RELT: variants seen among roughly 807,000 people sequenced by gnomAD.
RELT encodes the protein RELT TNF receptor.
Under a neutral mutation model 51.1 loss-of-function variants are expected in RELT, and 37 were observed. The ratio of observed to expected loss-of-function variants is 0.72; its 90% CI spans 0.56 to 0.95. The LOEUF is 0.95. Among genes scored for constraint, RELT ranks in the 40% least tolerant of loss-of-function variants. The probability of loss-of-function intolerance (pLI) is 0.00; values close to 1 mark genes in which losing one functional copy is unlikely to be tolerated. For missense variants in RELT, 535 were observed against 572.6 expected, an observed-to-expected ratio of 0.93 and a Z score of 0.67; for synonymous variants, 241 against 235.7, an observed-to-expected ratio of 1.02 and a Z score of -0.21.
intron 4 of RELT, 22 bp downstream of exon 4, chr11:73,390,943 G>A: frequency 1.2e-6 from 2 of 1,606,616 alleles, no homozygotes; most frequent in Non-Finnish European, 1.7e-6. Flanking sequence ...GGAGTGCGGG[G>A]AGGGCTCCTG....
chr11:73,391,640 TAAA>T (rs1866216517), intron 5 of RELT, among the ~76,000 whole-genome samples: 1 of 151,812 alleles, frequency 6.6e-6, no homozygotes, highest in Non-Finnish European at 1.5e-5. Flanking sequence ...AAAATAAAAA[TAAA>T]AAATTAGCCG....
intron 6 of RELT, chr11:73,393,531 C>T: frequency 7.7e-7 from 1 of 1,307,118 alleles, no homozygotes; most frequent in Non-Finnish European, 9.9e-7. Context: ...ACAGTGCAGA[C>T]CCAGAAGACG....
chr11:73,394,115 G>A lies in RELT; in HGVS notation c.707-121G>A. On this transcript the variant is annotated intron_variant, in intron 7 of 10. Coordinates refer to ENST00000064780, the MANE Select transcript of RELT (RefSeq NM_152222.2). The surrounding 1 kb of genome is among the most constrained non-coding windows in gnomAD (Gnocchi z 4.9). Reference sequence around the variant, plus strand: ...TTGCCTGATGAAGTGGGAGGAAAAGGCGCACAGCCCAGGCTGGGAGTGGTG... The same window carrying A: ...TTGCCTGATGAAGTGGGAGGAAAAGACGCACAGCCCAGGCTGGGAGTGGTG... 9.7e-7 allele frequency: 1 copy of A among 1,035,848 alleles called. No individual in the cohort carries two copies. Among genetic ancestry groups the A allele is most frequent in the South Asian group, 1.4e-5 (1 of 69,762 alleles). 64.2% of individuals were successfully genotyped at this position (1,035,848 alleles called of 1,614,324 possible).
rs1866206587 is a variant in RELT, at chr11:73,391,099, T to A, written c.288-45T>A. 6 of 1,591,376 alleles carry A rather than the reference T, an allele frequency of 3.8e-6. No homozygotes were observed. In the East Asian group the frequency reaches 1.3e-4, roughly 36 times the overall value. On this transcript the variant is annotated intron_variant, in intron 4 of 10. Coordinates refer to ENST00000064780, the MANE Select transcript of RELT (RefSeq NM_152222.2). ...AATCCAGCCTCTCCTAAGGATAGTGTTTGGGGAAACTTCTGGGCCTCAGTG... is the reference window on the plus strand; with the variant it reads ...AATCCAGCCTCTCCTAAGGATAGTGATTGGGGAAACTTCTGGGCCTCAGTG...
rs1251012993 is a variant in RELT at position 73,395,087 on chromosome 11, G to C, written c.1047G>C (p.Arg349Ser). 6.2e-7 allele frequency: 1 copy of C among 1,612,752 alleles called. No homozygotes were observed. The highest frequency in any genetic ancestry group is 1.7e-5 in the Admixed American group (1 of 60,024). Residue 349 changes from arginine to serine, a missense_variant and splice_region_variant, in exon 10 of 11, where the codon AGG becomes AGC. By Grantham distance (110) the Arg-to-Ser change is moderately radical (BLOSUM62 -1). Transcript: ENST00000064780. ...GATGATTGCCCCACTCTCCTCACAG[G>C]TTCCGCGTGGCTCGAATTCCTGAGC... ...QGEITILSVG[R>S]FRVARIPEQR...
intron 6 of RELT, chr11:73,392,842 G>A: frequency 3.5e-6 from 4 of 1,141,628 alleles, no homozygotes; most frequent in Non-Finnish European, 4.3e-6. Context: ...GGAGTGCCCT[G>A]TGGCAGGAGG....
intron 1 of RELT, among the ~76,000 whole-genome samples, chr11:73,383,297 C>T (rs1866076554): frequency 6.6e-6 from 1 of 152,224 alleles, no homozygotes; most frequent in Admixed American, 6.5e-5. Context: ...AGCTGGGGTT[C>T]CACCCTGGGA....
chr11:73,388,745 T>C lies in RELT; in HGVS notation c.-25-367T>C, dbSNP rs1250862458. Among the ~76,000 whole-genome samples the C allele has an allele frequency of 1.3e-5, 2 of 152,168 alleles. No individual in the cohort carries two copies. The highest frequency in any genetic ancestry group is 2.4e-5 in the African/African-American group (1 of 41,444). On this transcript the variant is annotated intron_variant, in intron 1 of 10. Transcript: ENST00000064780. This position sits in a 1 kb window ranked among gnomAD's most constrained non-coding sequence, Gnocchi z 4.1. ...GCCGGGCTGGGGTGTTGGGTGTTGG[T>C]TGCAACCCTGTCATCACGGACACAG... is the stretch of plus-strand genomic sequence containing the variant.
rs754868553 is a variant in RELT at position 73,390,940 on chromosome 11, G to A, written c.287+19G>A. On this transcript the variant is annotated intron_variant, in intron 4 of 10. Transcript: ENST00000064780. Reference sequence around the variant, plus strand: ...GGCCTGGGTAAGCCAAAGGGAGTGCGGGGAGGGCTCCTGGCTGGGTGACCA... The same window carrying A: ...GGCCTGGGTAAGCCAAAGGGAGTGCAGGGAGGGCTCCTGGCTGGGTGACCA... 42 of 1,606,878 alleles carry A rather than the reference G, an allele frequency of 2.6e-5. No homozygotes were observed. Among genetic ancestry groups the A allele is most frequent in the Admixed American group, 5.2e-5 (3 of 57,438 alleles).
intron 1 of RELT, chr11:73,384,611 T>A (rs1436595935): frequency 6.6e-6 from 1 of 152,230 alleles, no homozygotes; most frequent in Non-Finnish European, 1.5e-5. Flanking sequence ...CCCCATACTT[T>A]GTATCCCCAG....
chr11:73,393,751 G>T (rs1458796539), intron 6 of RELT, 86 bp from the exon 7 acceptor site: 7 of 1,563,542 alleles, frequency 4.5e-6, no homozygotes, highest in Non-Finnish European at 6.2e-6. Flanking sequence ...AGAAGGCCAG[G>T]GTTGCCCTCT....
At chr11:73,387,392 G>A (rs926391255) in intron 1 of RELT, among the ~76,000 whole-genome samples, 4 of 152,228 alleles carry the variant, frequency 2.6e-5, no homozygotes, top group Admixed American at 2.6e-4. Flanking sequence ...CAGGCTCGAG[G>A]TGGGAGCTGG....
intron 2 of RELT, among the ~76,000 whole-genome samples, 160 bp from the exon 3 acceptor site, chr11:73,390,391 G>A (rs1866191022): frequency 6.6e-6 from 1 of 152,154 alleles, no homozygotes; most frequent in Admixed American, 6.5e-5. Context: ...GTTTTCCTCA[G>A]TGTGAGGGAT....
chr11:73,387,689 C>G (rs1866146870), intron 1 of RELT, among the ~76,000 whole-genome samples: 1 of 152,152 alleles, frequency 6.6e-6, no homozygotes, highest in Non-Finnish European at 1.5e-5. Flanking sequence ...AACCCTGGGC[C>G]CCTCTGAGAT....
rs1866283384 is a variant in RELT, at chr11:73,394,755, GC to G, written c.1046+22del. 2 of 1,599,864 alleles carry G rather than the reference GC, an allele frequency of 1.3e-6. No individual in the cohort carries two copies. The highest frequency in any genetic ancestry group is 3.3e-5 in the Admixed American group (2 of 59,922). ...GGCAGGTGAGATGGGCACAGATGCA[GC>G]AGGGGCAGGTAAAGACGTGACAGCC... On this transcript the variant is annotated intron_variant, in intron 9 of 10. Coordinates refer to ENST00000064780, the MANE Select transcript of RELT (RefSeq NM_152222.2). This position sits in a 1 kb window ranked among gnomAD's most constrained non-coding sequence, Gnocchi z 4.9.
intron 1 of RELT, among the ~76,000 whole-genome samples, chr11:73,377,997 A>C (rs1470729490): frequency 3.9e-5 from 6 of 152,126 alleles, no homozygotes; most frequent in Non-Finnish European, 8.8e-5. Flanking sequence ...AAATGGATCC[A>C]TAGACAATAT....
rs766338861 is a variant in RELT, at chr11:73,395,258, GAAGCCCC to G, written c.1219_1225del (p.Lys407GlnfsTer15). The G allele has an allele frequency of 2.5e-6, 4 of 1,613,130 alleles. No individual in the cohort carries two copies. Among genetic ancestry groups the G allele is most frequent in the Non-Finnish European group, 2.5e-6 (3 of 1,179,952 alleles). ...GTGGCGGAAGCCGTACAAAGTGGCT[GAAGCCCC>G]CAGCAGAGAACAAGGCCGAGGTGAG... is the stretch of plus-strand genomic sequence containing the variant. On this transcript the variant is annotated frameshift_variant, in exon 10 of 11. Transcript: ENST00000064780. LOFTEE classifies it high-confidence loss of function.
Position 73,395,846 on chromosome 11 carries a change from C to T in RELT, c.*355C>T, listed in dbSNP as rs1866311387. 5.1e-6 allele frequency: 2 copies of T among 393,632 alleles called. No homozygotes were observed. Among genetic ancestry groups the T allele is most frequent in the South Asian group, 3.2e-5 (1 of 31,684 alleles). 24.4% of individuals were successfully genotyped at this position (393,632 alleles called of 1,614,324 possible). A position where few individuals can be genotyped will look rare whatever the true frequency, so the allele number is the denominator to read the frequency against. ...GAGGGGAGGGGCCTGTGCCCGTCACCCCTGGCCCCATTCCTTGGTAATTAG... is the reference window on the plus strand; with the variant it reads ...GAGGGGAGGGGCCTGTGCCCGTCACTCCTGGCCCCATTCCTTGGTAATTAG... On this transcript the variant is annotated 3_prime_UTR_variant, in exon 11 of 11. Transcript: ENST00000064780.
intron 7 of RELT, 60 bp downstream of exon 7, chr11:73,393,977 CTG>C: frequency 1.3e-6 from 2 of 1,523,684 alleles, no homozygotes; most frequent in Non-Finnish European, 1.8e-6. Context: ...CTCCAGGAGC[CTG>C]TGAGGCAGCC....
Sources: allele counts gnomAD v4.1 joint callset (sites outside exome capture counted in the v4.1 genomes callset), GRCh38; gene constraint gnomAD v4.1.1; non-coding constraint Gnocchi (gnomAD v3.1); transcripts MANE v1.5; gene names NCBI Gene and HGNC (gene_info 2026-07-23, HGNC 2026-07-21).